The following ELAPOR2 variants were observed in gnomAD, a reference collection of about 807,000 sequenced individuals.
ELAPOR2 encodes the protein endosome/lysosome-associated apoptosis and autophagy regulator family member 2.
A neutral mutation model predicts 120.7 loss-of-function variants in ELAPOR2; 89 were observed. The observed-to-expected ratio is 0.74, with a 90% CI of 0.62 to 0.88. ELAPOR2 has a LOEUF of 0.88. ELAPOR2 is among the 40% of genes least tolerant of loss of function. The pLI, the probability that ELAPOR2 is intolerant of heterozygous loss-of-function variation, is 0.00. For missense variants in ELAPOR2, 1,134 were observed against 1,251.6 expected (o/e 0.91, Z 1.42); for synonymous variants, 444 against 444.9 (o/e 1.00, Z 0.03).
Position 86,907,674 on chromosome 7 carries a change from G to T in ELAPOR2, c.2554C>A (p.Pro852Thr). The T allele has an allele frequency of 6.4e-7, 1 of 1,561,708 alleles. No homozygotes were observed. Among genetic ancestry groups the T allele is most frequent in the Non-Finnish European group, 8.6e-7 (1 of 1,157,284 alleles). ...ATCATATGGAAATAAGGATACCTGGGGACTGAAATCACTCCTGCTCCAGAT... is the reference window on the plus strand; with the variant it reads ...ATCATATGGAAATAAGGATACCTGGTGACTGAAATCACTCCTGCTCCAGAT... ...TKSGAGVISV[P>T]SKCPAGTCDG... The change falls in exon 18 of 22, where the codon CCC becomes ACC. Residue 852 changes from proline (P) to threonine (T), a missense_variant. Transcript: ENST00000450689.
intron 1 of ELAPOR2, among the ~76,000 whole-genome samples, chr7:87,050,795 C>T (rs1409951330): frequency 1.3e-5 from 2 of 152,080 alleles, no homozygotes; most frequent in Non-Finnish European, 2.9e-5. Context: ...CCAGAAATTA[C>T]AGGAGAAGTG....
chr7:86,986,378 G>C (rs1379977856), intron 1 of ELAPOR2, among the ~76,000 whole-genome samples: 1 of 110,678 alleles, frequency 9.0e-6, no homozygotes, highest in Non-Finnish European at 1.8e-5. Flanking sequence ...GCAGTGAGCC[G>C]AGATCCCGCC....
rs1790454752 is a variant in ELAPOR2 at position 86,934,059 on chromosome 7, TA to T, written c.1089+4066del. On this transcript the variant is annotated intron_variant, in intron 8 of 21. Coordinates refer to ENST00000450689, the MANE Select transcript of ELAPOR2 (RefSeq NM_001142749.3). The stretch of plus-strand genomic sequence containing the variant: ...CAACTCAGTACTTAAGATAATTTTG[TA>T]GTGAATGTTTATTGAGAAGTGAATA... 5.3e-5 allele frequency among the ~76,000 whole-genome samples: 8 copies of T among 152,154 alleles called. No individual in the cohort carries two copies. The South Asian group carries it at 1.7e-3, about 32-fold the overall frequency.
chr7:86,996,704 T>C (rs1187547415), intron 1 of ELAPOR2, among the ~76,000 whole-genome samples: 4 of 151,996 alleles, frequency 2.6e-5, no homozygotes, highest in African/African-American at 9.7e-5. Flanking sequence ...ACTTAGGGGG[T>C]TGAAACAGTT....
At chr7:86,893,589 C>T (rs1288933877) in intron 19 of ELAPOR2, among the ~76,000 whole-genome samples, 1 of 151,962 alleles carries the variant, frequency 6.6e-6, no homozygotes, top group East Asian at 1.9e-4. Context: ...AATGGAAGAA[C>T]AGACCCTAGA....
chr7:86,978,488 T>C (rs1249876812), intron 1 of ELAPOR2, among the ~76,000 whole-genome samples: 1 of 152,224 alleles, frequency 6.6e-6, no homozygotes, highest in Non-Finnish European at 1.5e-5. Flanking sequence ...TTTGCCTTGC[T>C]CTTTTCACCA....
At chr7:86,987,141 A>G (rs182754335) in intron 1 of ELAPOR2, among the ~76,000 whole-genome samples, 31 of 152,354 alleles carry the variant, frequency 2.0e-4, no homozygotes, top group African/African-American at 7.5e-4. Flanking sequence ...CTGGGTAGTC[A>G]TATGTAGAAA....
At chr7:86,987,009 T>C (rs904112683) in intron 1 of ELAPOR2, among the ~76,000 whole-genome samples, 8 of 150,062 alleles carry the variant, frequency 5.3e-5, no homozygotes, top group Admixed American at 5.3e-4. Context: ...CATAGACCAA[T>C]GGAATAGAAC....
chr7:87,007,985 G>A (rs1400646335), intron 1 of ELAPOR2, among the ~76,000 whole-genome samples: 2 of 152,278 alleles, frequency 1.3e-5, no homozygotes, highest in Admixed American at 6.5e-5. Context: ...ACTAGTGATC[G>A]AAAGTTTAAT....
At chr7:87,036,446 T>G (rs570023088) in intron 1 of ELAPOR2, among the ~76,000 whole-genome samples, 761 of 152,310 alleles carry the variant, frequency 5.0e-3, no homozygotes, top group Non-Finnish European at 7.4e-3. Context: ...ATTGTACCAC[T>G]GCACTCCAGC....
chr7:86,919,867 C>T (rs1789746201), intron 10 of ELAPOR2: 1 of 152,378 alleles, frequency 6.6e-6, no homozygotes, highest in South Asian at 2.1e-4. Flanking sequence ...ACATGAGAGA[C>T]AGACACAAAC....
chr7:87,028,145 C>G (rs1794304789), intron 1 of ELAPOR2, among the ~76,000 whole-genome samples: 1 of 152,162 alleles, frequency 6.6e-6, no homozygotes, highest in South Asian at 2.1e-4. Context: ...TCATCCCTGA[C>G]TAGCAAAGCT....
intron 12 of ELAPOR2, among the ~76,000 whole-genome samples, chr7:86,917,467 A>G (rs892355058): frequency 6.6e-6 from 1 of 152,162 alleles, no homozygotes; most frequent in Non-Finnish European, 1.5e-5. Context: ...AAGAGTAGAG[A>G]TGAGAAGAAC....
Position 86,880,529 on chromosome 7 carries a change from T to A in ELAPOR2, c.3032A>T (p.Glu1011Val). Residue 1011 changes from glutamate (E) to valine (V), a missense_variant and splice_region_variant, in exon 22 of 22, where the codon GAA becomes GTA. Coordinates refer to ENST00000450689, the MANE Select transcript of ELAPOR2 (RefSeq NM_001142749.3). ...AACAGATTCAAAATGGTCTTCTTTT[T>A]CCTAAGAAAAAATATTAAAGACAAA... ...LGKLKSLATK[E>V]KEDHFESVQL... is the part of the protein sequence containing the mutation. 6.3e-7 allele frequency: 1 copy of A among 1,591,732 alleles called. No homozygotes were observed. Among genetic ancestry groups the A allele is most frequent in the Non-Finnish European group, 8.6e-7 (1 of 1,160,862 alleles).
At chr7:86,989,569 T>C (rs1792873560) in intron 1 of ELAPOR2, among the ~76,000 whole-genome samples, 1 of 152,172 alleles carries the variant, frequency 6.6e-6, no homozygotes, top group South Asian at 2.1e-4. Flanking sequence ...TTATGCAGAG[T>C]GGCTGAAATG....
chr7:86,938,177 A>G lies in ELAPOR2; in HGVS notation c.1038T>C (p.Cys346=). 6.4e-7 allele frequency: 1 copy of G among 1,552,168 alleles called. No individual in the cohort carries two copies. Among genetic ancestry groups the G allele is most frequent in the Non-Finnish European group, 8.7e-7 (1 of 1,146,526 alleles). Residue 346 remains cysteine, a synonymous_variant, in exon 8 of 22, where the codon TGT becomes TGC. Transcript: ENST00000450689. ...GSSECTERPP[C]TTKDYFQIHT... is the part of the protein sequence containing the mutation. Reference sequence around the variant, plus strand: ...GGATCTGGAAATAGTCTTTTGTGGTACAGGGAGGGCGCTCTGTACACTCAC... The same window carrying G: ...GGATCTGGAAATAGTCTTTTGTGGTGCAGGGAGGGCGCTCTGTACACTCAC...
At chr7:86,882,955 TCC>T (rs937096582) in intron 21 of ELAPOR2, among the ~76,000 whole-genome samples, 61 of 152,028 alleles carry the variant, frequency 4.0e-4, no homozygotes, top group African/African-American at 1.4e-3. Flanking sequence ...CCTACTGCAC[TCC>T]CTTCTCCCCA....
chr7:86,980,138 A>G (rs1028419142), intron 1 of ELAPOR2, among the ~76,000 whole-genome samples: 1 of 152,206 alleles, frequency 6.6e-6, no homozygotes, highest in Non-Finnish European at 1.5e-5. Flanking sequence ...ATTATTGTAC[A>G]TTTAACAGAG....
intron 1 of ELAPOR2, among the ~76,000 whole-genome samples, chr7:86,966,973 A>T (rs1359867094): frequency 6.6e-6 from 1 of 152,112 alleles, no homozygotes; most frequent in African/African-American, 2.4e-5. Flanking sequence ...TAAATCTTCA[A>T]AGTCCTATTT....
Sources: gnomAD v4.1 joint callset for allele counts (sites outside exome capture counted in the v4.1 genomes callset) on GRCh38, gnomAD v4.1.1 for gene constraint, MANE v1.5 for transcripts, NCBI Gene and HGNC (gene_info 2026-07-23, HGNC 2026-07-21) for gene names.